EYS: variants seen among roughly 807,000 people sequenced by gnomAD.
EYS encodes EGF-like photoreceptor maintenance factor.
EYS carries 250 observed loss-of-function variants against 282.1 expected under a neutral mutation model. The observed-to-expected ratio is 0.89, with a 90% confidence interval of 0.80 to 0.98. The LOEUF is 0.98. Ranked by LOEUF, EYS falls within the 50% of genes least tolerant of loss-of-function variation. The pLI is 0.00. For synonymous variants in EYS, 1,355 were observed against 1,282.9 expected (o/e 1.06, Z -1.20); for missense variants, 4,016 against 3,709.0 (o/e 1.08, Z -2.15).
intron 22 of EYS, among the ~76,000 whole-genome samples, chr6:64,754,473 C>A (rs1487634679): frequency 6.6e-6 from 1 of 152,032 alleles, no homozygotes; most frequent in Admixed American, 6.6e-5. Flanking sequence ...GGGATTCCTC[C>A]TAACTGGTAC....
intron 26 of EYS, among the ~76,000 whole-genome samples, chr6:64,494,100 G>A (rs1454337242): frequency 2.0e-5 from 3 of 151,552 alleles, no homozygotes; most frequent in Non-Finnish European, 4.4e-5. Flanking sequence ...TCACAAGGAT[G>A]ATTTCCTGCA....
intron 36 of EYS, among the ~76,000 whole-genome samples, chr6:63,825,276 C>A (rs543268097): frequency 1.3e-4 from 20 of 152,210 alleles, no homozygotes; most frequent in African/African-American, 4.3e-4. Context: ...TGAGCTTAGA[C>A]ATGCCTAGCC....
At chr6:63,923,016 G>A (rs1764615034) in intron 35 of EYS, among the ~76,000 whole-genome samples, 1 of 152,026 alleles carries the variant, frequency 6.6e-6, no homozygotes, top group African/African-American at 2.4e-5. Flanking sequence ...TGGTGTCTGG[G>A]GTCCCTTTGA....
Position 65,278,184 on chromosome 6 carries a change from A to G in EYS, c.2023+17679T>C, listed in dbSNP as rs540575645. 2.7e-5 allele frequency among the ~76,000 whole-genome samples: 4 copies of G among 148,368 alleles called. No homozygotes were observed. The South Asian group carries it at 8.4e-4, about 31-fold the overall frequency. On this transcript the variant is annotated intron_variant, in intron 12 of 42. Coordinates refer to ENST00000503581, the MANE Select transcript of EYS (RefSeq NM_001142800.2). ...GCCTTTGGACTGGGAGTGTTATGGC[A>G]TTGGCTCTTCTGGTGTAGACTGCAG...
intron 26 of EYS, among the ~76,000 whole-genome samples, chr6:64,557,300 G>T (rs913825171): frequency 1.3e-5 from 2 of 151,466 alleles, no homozygotes; most frequent in Admixed American, 6.6e-5. Flanking sequence ...GTTTAGGAAA[G>T]CTTGGAAAAT....
chr6:64,846,703 C>A (rs1486797518), intron 19 of EYS, among the ~76,000 whole-genome samples: 1 of 151,934 alleles, frequency 6.6e-6, no homozygotes, highest in Non-Finnish European at 1.5e-5. Context: ...AATATAAAAT[C>A]TCATTGATTT....
chr6:64,441,993 G>A (rs532342828), intron 26 of EYS, among the ~76,000 whole-genome samples: 3 of 152,304 alleles, frequency 2.0e-5, no homozygotes, highest in African/African-American at 7.2e-5. Flanking sequence ...ATTGACTTTG[G>A]AACTGGGCAA....
intron 31 of EYS, among the ~76,000 whole-genome samples, chr6:64,184,294 G>C (rs1764868716): frequency 6.6e-6 from 1 of 152,150 alleles, no homozygotes; most frequent in Non-Finnish European, 1.5e-5. Flanking sequence ...AATACTACAT[G>C]AGTGAATGAA....
intron 5 of EYS, among the ~76,000 whole-genome samples, chr6:65,444,240 T>A (rs1367471105): frequency 6.6e-6 from 1 of 152,042 alleles, no homozygotes; most frequent in South Asian, 2.1e-4. Context: ...CACTATTTTT[T>A]AAAAGCTTAT....
chr6:65,045,281 C>A (rs1226786623), intron 13 of EYS, among the ~76,000 whole-genome samples: 1 of 151,858 alleles, frequency 6.6e-6, no homozygotes, highest in Non-Finnish European at 1.5e-5. Flanking sequence ...TTTTCTAAAT[C>A]ATTTATTTCC....
intron 19 of EYS, among the ~76,000 whole-genome samples, chr6:64,874,697 G>A (rs1766691287): frequency 6.6e-6 from 1 of 151,962 alleles, no homozygotes; most frequent in Non-Finnish European, 1.5e-5. Context: ...ATTACATAAT[G>A]ACCTTTAGAA....
chr6:64,636,946 G>C (rs1018971671), intron 22 of EYS, among the ~76,000 whole-genome samples: 2 of 133,866 alleles, frequency 1.5e-5, no homozygotes, highest in African/African-American at 2.8e-5. Flanking sequence ...AACAACAGGT[G>C]CTAGAGAGGA....
At chr6:64,864,385 C>CTT (rs769240399) in intron 19 of EYS, among the ~76,000 whole-genome samples, 12,721 of 57,104 alleles carry the variant, frequency 0.22, 3,363 homozygotes, top group East Asian at 0.51. Flanking sequence ...GCTATACCTT[C>CTT]TTTTTTTTTT....
chr6:64,992,616 T>C (rs1413882197), intron 14 of EYS, among the ~76,000 whole-genome samples: 1 of 151,940 alleles, frequency 6.6e-6, no homozygotes, highest in Non-Finnish European at 1.5e-5. Flanking sequence ...AAATGTGCTT[T>C]TGTCTCTCTT....
intron 5 of EYS, among the ~76,000 whole-genome samples, chr6:65,431,441 A>G (rs1562176897): frequency 6.6e-6 from 1 of 152,222 alleles, no homozygotes; most frequent in African/African-American, 2.4e-5. Flanking sequence ...GGTGGATACT[A>G]CCAGATCCCA....
intron 22 of EYS, among the ~76,000 whole-genome samples, chr6:64,693,710 GGAAC>G (rs1374014014): frequency 6.6e-6 from 1 of 151,794 alleles, no homozygotes; most frequent in African/African-American, 2.4e-5. Flanking sequence ...TTGAGGGTTG[GGAAC>G]GTTCTTAGGT....
chr6:63,995,711 T>A (rs1467955136), intron 34 of EYS, among the ~76,000 whole-genome samples: 1 of 152,024 alleles, frequency 6.6e-6, no homozygotes, highest in South Asian at 2.1e-4. Context: ...AAATGTGGTA[T>A]AGTATGATCT....
chr6:64,873,132 C>A (rs936934475), intron 19 of EYS, among the ~76,000 whole-genome samples: 1 of 152,082 alleles, frequency 6.6e-6, no homozygotes, highest in Non-Finnish European at 1.5e-5. Context: ...GTTTATAGGA[C>A]TTACTGTTCC....
intron 1 of EYS, among the ~76,000 whole-genome samples, chr6:65,641,744 G>C (rs925190210): frequency 6.6e-6 from 1 of 152,076 alleles, no homozygotes; most frequent in South Asian, 2.1e-4. Flanking sequence ...TTAAATTTTG[G>C]AGATCTTTAT....
Sources: gnomAD v4.1 joint callset for allele counts (sites outside exome capture counted in the v4.1 genomes callset) on GRCh38, gnomAD v4.1.1 for gene constraint, MANE v1.5 for transcripts, NCBI Gene and HGNC (gene_info 2026-07-23, HGNC 2026-07-21) for gene names.